Variants in ATG2A observed in about 807,000 individuals in gnomAD.
The protein encoded by ATG2A is autophagy related 2A, also known as autophagy-related protein 2 homolog A.
In ATG2A, 103 loss-of-function variants were observed where a neutral mutation model predicts 214.2. The observed-to-expected ratio is 0.48, with a 90% CI of 0.41 to 0.57. ATG2A has a LOEUF of 0.57. Ranked by LOEUF, ATG2A falls within the 20% of genes least tolerant of loss-of-function variation. ATG2A has a pLI of 0.00. For synonymous variants in ATG2A, 1,160 were observed against 1,142.1 expected (o/e 1.02, Z -0.32); for missense variants, 2,312 against 2,613.2 (o/e 0.88, Z 2.51).
Position 64,895,540 on chromosome 11 carries a change from C to A in ATG2A, c.5428-98G>T. On this transcript the variant is annotated intron_variant, in intron 39 of 40. Coordinates refer to ENST00000377264, the MANE Select transcript of ATG2A (RefSeq NM_015104.3). The surrounding 1 kb of genome is among the most constrained non-coding windows in gnomAD (Gnocchi z 5.0). Reference sequence around the variant, plus strand: ...CTGAGACCCCACCAGCCCTCAGCCTCCCTGCCTGTCACTGTGCTGGCCTAG... The same window carrying A: ...CTGAGACCCCACCAGCCCTCAGCCTACCTGCCTGTCACTGTGCTGGCCTAG... 4 of 1,343,078 alleles carry A rather than the reference C, an allele frequency of 3.0e-6. No individual in the cohort carries two copies. The highest frequency in any genetic ancestry group is 3.0e-6 in the Non-Finnish European group (3 of 1,012,496). 83.2% of individuals were successfully genotyped at this position (1,343,078 alleles called of 1,614,324 possible).
In ATG2A at chr11:64,913,284, G is replaced by A. The variant is rs564361053; in HGVS notation, c.708C>T (p.Tyr236=). ...LLQLAGVRLH[Y]EELPAQEEPP... Reference sequence around the variant, plus strand: ...CGCTCACCTGTGCCGGGAGCTCCTCGTAGTGCAGGCGGACCCCTGCCAGCT... The same window carrying A: ...CGCTCACCTGTGCCGGGAGCTCCTCATAGTGCAGGCGGACCCCTGCCAGCT... Residue 236 remains tyrosine, a synonymous_variant, in exon 5 of 41, where the codon TAC becomes TAT. Coordinates refer to ENST00000377264, the MANE Select transcript of ATG2A (RefSeq NM_015104.3). The surrounding 1 kb of genome is among the most constrained non-coding windows in gnomAD (Gnocchi z 4.3). The A allele has an allele frequency of 9.9e-6, 16 of 1,611,248 alleles. 1 individual carries two copies. Among genetic ancestry groups the A allele is most frequent in the South Asian group, 2.2e-5 (2 of 90,672 alleles).
rs747519398 is a variant in ATG2A at position 64,914,178 on chromosome 11, C to CAGACACAACCTCA, written c.389_390insTGAGGTTGTGTCT (p.Gln130HisfsTer20). ...CATCCCGCAGACACTCCTGGGCCAG[C>CAGACACAACCTCA]TGCAGGCTTGTGGTCATGCATGAGG... On this transcript the variant is annotated frameshift_variant, in exon 3 of 41. Transcript: ENST00000377264. LOFTEE classifies it high-confidence loss of function. The CAGACACAACCTCA allele has an allele frequency of 1.3e-6, 2 of 1,553,258 alleles. No homozygotes were observed. The highest frequency in any genetic ancestry group is 1.7e-6 in the Non-Finnish European group (2 of 1,148,278).
Position 64,913,078 on chromosome 11 carries a change from A to T in ATG2A, c.785T>A (p.Met262Lys). The part of the protein sequence containing the change: ...IGSCSGYMEL[M>K]VKLKQNEAFP... Reference sequence around the variant, plus strand: ...GGCCTCATTTTGCTTCAACTTCACCATCAGCTCCATGTACCCTGAGCAGCT... The same window carrying T: ...GGCCTCATTTTGCTTCAACTTCACCTTCAGCTCCATGTACCCTGAGCAGCT... Residue 262 changes from methionine (M) to lysine (K), a missense_variant, in exon 6 of 41, where the codon ATG (methionine) becomes AAG (lysine). Coordinates refer to ENST00000377264, the MANE Select transcript of ATG2A (RefSeq NM_015104.3). The surrounding 1 kb of genome is among the most constrained non-coding windows in gnomAD (Gnocchi z 4.3). 5.3e-5 allele frequency: 83 copies of T among 1,573,726 alleles called. No homozygotes were observed. The highest frequency in any genetic ancestry group is 7.0e-5 in the Non-Finnish European group (81 of 1,158,616).
chr11:64,905,544 T>C lies in ATG2A; in HGVS notation c.3464+19A>G, dbSNP rs759331301. The C allele has an allele frequency of 6.9e-6, 11 of 1,602,138 alleles. No homozygotes were observed. Among genetic ancestry groups the C allele is most frequent in the Non-Finnish European group, 9.4e-6 (11 of 1,174,802 alleles). ...GCCCGGCGAGGGTGGGATGGCCCAGTGTGGGGCGGCCTGCATACCTGAGCA... is the reference window on the plus strand; with the variant it reads ...GCCCGGCGAGGGTGGGATGGCCCAGCGTGGGGCGGCCTGCATACCTGAGCA... On this transcript the variant is annotated intron_variant, in intron 24 of 40. Coordinates refer to ENST00000377264, the MANE Select transcript of ATG2A (RefSeq NM_015104.3).
In ATG2A at chr11:64,910,665, C is replaced by T. The variant is rs574229883; in HGVS notation, c.1658G>A (p.Arg553Gln). Residue 553 changes from arginine (R) to glutamine (Q), a missense_variant, in exon 12 of 41, where the codon CGG becomes CAG. Coordinates refer to ENST00000377264, the MANE Select transcript of ATG2A (RefSeq NM_015104.3). ...PGTLGSQASARPCAHLRHTQI... is the reference protein window; with the variant it reads ...PGTLGSQASAQPCAHLRHTQI... ...TGTGTGGCGCAGATGGGCGCAGGGC[C>T]GAGCTGAGGCCTGGGAGCCCAGCGT... 229 of 1,609,888 alleles carry T rather than the reference C, an allele frequency of 1.4e-4. 1 individual carries two copies. The highest frequency in any genetic ancestry group is 5.0e-4 in the Middle Eastern group (3 of 6,060).
chr11:64,907,836 C>A lies in ATG2A; in HGVS notation c.2419G>T (p.Ala807Ser). The change falls in exon 17 of 41, where the codon GCA becomes TCA. Residue 807 changes from alanine to serine, a missense_variant. Transcript: ENST00000377264. ...ACTTCCAGGCTGCAGCGGGACAGTGCCAGGGTCCGGCTCTGGAACGTCCTC... is the reference window on the plus strand; with the variant it reads ...ACTTCCAGGCTGCAGCGGGACAGTGACAGGGTCCGGCTCTGGAACGTCCTC... ...EMRTFQSRTL[A>S]LSRCSLEVIL... The A allele has an allele frequency of 6.2e-7, 1 of 1,613,328 alleles. No individual in the cohort carries two copies. The highest frequency in any genetic ancestry group is 8.5e-7 in the Non-Finnish European group (1 of 1,179,920).
At chr11:64,909,468 A>C in intron 14 of ATG2A, 101 bp from the exon 15 acceptor site, 2 of 1,412,864 alleles carry the variant, frequency 1.4e-6, no homozygotes, top group Non-Finnish European at 2.0e-6. Flanking sequence ...GACTCCACAC[A>C]CACCTTGGTG....
Position 64,914,431 on chromosome 11 carries a change from C to T in ATG2A, c.241G>A (p.Glu81Lys), listed in dbSNP as rs1390703613. ...ELVEGFVGSIEVAVPWAALLT... is the reference protein window; with the variant it reads ...ELVEGFVGSIKVAVPWAALLT... ...AGAGCAGCCCAGGGCACGGCCACCT[C>T]GATGGAGCCCACGAAGCCTTCCACC... Residue 81 changes from glutamate (E) to lysine (K), a missense_variant, in exon 2 of 41, where the codon GAG becomes AAG. Transcript: ENST00000377264. 9.3e-6 allele frequency: 15 copies of T among 1,612,648 alleles called. No homozygotes were observed. Among genetic ancestry groups the T allele is most frequent in the Admixed American group, 1.7e-5 (1 of 59,886 alleles).
rs778179736 is a variant in ATG2A, at chr11:64,912,374, C to T, written c.875G>A (p.Arg292Lys). 2.6e-6 allele frequency: 4 copies of T among 1,565,894 alleles called. No homozygotes were observed. Among genetic ancestry groups the T allele is most frequent in the African/African-American group, 1.4e-5 (1 of 73,604 alleles). ...CAGTTCCTGAAGTTGCTGGAGCTGC[C>T]TCGGGGTCAGGAGCAGGTGCAGGGA... ...LGSLHLLLTP[R>K]QLQQLQELLS... The change falls in exon 7 of 41, where the codon AGG becomes AAG. Residue 292 changes from arginine to lysine, a missense_variant. By Grantham distance (26) the Arg-to-Lys change is conservative. Transcript: ENST00000377264.
chr11:64,907,060 C>T (rs1944579431), intron 19 of ATG2A, among the ~76,000 whole-genome samples, 195 bp downstream of exon 19: 1 of 152,238 alleles, frequency 6.6e-6, no homozygotes, highest in Non-Finnish European at 1.5e-5. Flanking sequence ...TAGCATGGTG[C>T]TTTACATACA....
intron 22 of ATG2A, 27 bp downstream of exon 22, chr11:64,906,086 A>G (rs766669177): frequency 7.1e-5 from 110 of 1,554,962 alleles, no homozygotes; most frequent in Admixed American, 3.3e-4. Context: ...TCACTGGGCC[A>G]TGTGGCTTCC....
chr11:64,911,003 T>C (rs774380877), intron 10 of ATG2A, 35 bp downstream of exon 10: 3 of 1,613,516 alleles, frequency 1.9e-6, no homozygotes, highest in Admixed American at 1.7e-5. Flanking sequence ...GGGGCTCTGA[T>C]GGTCTCTCCT....
In ATG2A at chr11:64,902,570, G is replaced by A. The variant is rs780586041; in HGVS notation, c.3723C>T (p.Gly1241=). 17 of 1,588,614 alleles carry A rather than the reference G, an allele frequency of 1.1e-5. No homozygotes were observed. In the East Asian group the frequency reaches 2.3e-4, roughly 21 times the overall value. Residue 1241 remains glycine, a synonymous_variant, in exon 27 of 41, where the codon GGC becomes GGT. Transcript: ENST00000377264. ...VNLLQYVMST[G]DLHPPPRPPS... Reference sequence around the variant, plus strand: ...GGGGCCGGGGTGGGGGGTGCAGATCGCCTGTGCTCATTACGTACTGGAGCA... The same window carrying A: ...GGGGCCGGGGTGGGGGGTGCAGATCACCTGTGCTCATTACGTACTGGAGCA...
chr11:64,907,994 A>G, intron 16 of ATG2A, 104 bp from the exon 17 acceptor site: 1 of 1,346,500 alleles, frequency 7.4e-7, no homozygotes, highest in East Asian at 2.5e-5. Flanking sequence ...TCATTCATTC[A>G]TTCATAGGAG....
rs764443750 is a variant in ATG2A at position 64,896,575 on chromosome 11, ACTG to A, written c.5311_5313del (p.Gln1771del). Reference sequence around the variant, plus strand: ...CGCATGAGGCGGCCATCCTTCCTGTACTGCTCAATGGGCAGCCACAGCAGGTCC... The same window carrying A: ...CGCATGAGGCGGCCATCCTTCCTGTACTCAATGGGCAGCCACAGCAGGTCC... On this transcript the variant is annotated inframe_deletion, in exon 39 of 41. Coordinates refer to ENST00000377264, the MANE Select transcript of ATG2A (RefSeq NM_015104.3). 6.2e-7 allele frequency: 1 copy of A among 1,613,988 alleles called. No individual in the cohort carries two copies.
chr11:64,914,122 G>T lies in ATG2A; in HGVS notation c.446C>A (p.Pro149His), dbSNP rs1464425410. 3 of 1,552,932 alleles carry T rather than the reference G, an allele frequency of 1.9e-6. No individual in the cohort carries two copies. The highest frequency in any genetic ancestry group is 2.6e-6 in the Non-Finnish European group (3 of 1,148,124). Residue 149 changes from proline to histidine, a missense_variant, in exon 3 of 41, where the codon CCC becomes CAC. Coordinates refer to ENST00000377264, the MANE Select transcript of ATG2A (RefSeq NM_015104.3). ...GGCAAACATCTCCAGCCCCTCCAGG[G>T]GCTGTGGTGGCTCAGAGGGCTCCGG... is the stretch of plus-strand genomic sequence containing the variant. ...GLPEPSEPPQ[P>H]LEGLEMFAQT...
At position 64,895,114 on chromosome 11, in the gene ATG2A, C is replaced by T; in HGVS notation, c.5676G>A (p.Gln1892=). The T allele has an allele frequency of 6.2e-7, 1 of 1,613,074 alleles. No homozygotes were observed. The part of the protein sequence containing the change: ...LTGAVGGVIR[Q]LPPTVVKPLI... ...GCGGCTTCACCACAGTCGGGGGCAGCTGGCGGATCACGCCCCCCACGGCGC... is the reference window on the plus strand; with the variant it reads ...GCGGCTTCACCACAGTCGGGGGCAGTTGGCGGATCACGCCCCCCACGGCGC... Residue 1892 remains glutamine, a synonymous_variant, in exon 41 of 41, where the codon CAG becomes CAA. Transcript: ENST00000377264. The surrounding 1 kb of genome is among the most constrained non-coding windows in gnomAD (Gnocchi z 5.0).
In ATG2A at chr11:64,902,105, G is replaced by C. The variant is rs773831526; in HGVS notation, c.3976C>G (p.Pro1326Ala). The change falls in exon 29 of 41, where the codon CCT (proline) becomes GCT (alanine). Residue 1326 changes from proline to alanine, a missense_variant. Pro to Ala is a conservative substitution (Grantham distance 27). Transcript: ENST00000377264. The part of the protein sequence containing the change: ...FPGERSGAPP[P>A]SPPVGGPAGS... ...GCAGGGCCCCCGACAGGTGGTGAAG[G>C]GGGTGGGGCCCCACTCCGTTCACCT... The C allele has an allele frequency of 1.2e-6, 2 of 1,613,968 alleles. No individual in the cohort carries two copies. Among genetic ancestry groups the C allele is most frequent in the East Asian group, 2.2e-5 (1 of 44,888 alleles).
At chr11:64,902,775 C>T (rs1944404082) in intron 26 of ATG2A, 95 bp from the exon 27 acceptor site, 1 of 1,175,496 alleles carries the variant, frequency 8.5e-7, no homozygotes, top group African/African-American at 1.5e-5. Context: ...CAGTTCTGAT[C>T]CTGCCACAGG....
Sources: gnomAD v4.1 joint callset for allele counts (sites outside exome capture counted in the v4.1 genomes callset) on GRCh38, gnomAD v4.1.1 for gene constraint, Gnocchi (gnomAD v3.1) non-coding constraint, MANE v1.5 for transcripts, NCBI Gene and HGNC (gene_info 2026-07-23, HGNC 2026-07-21) for gene names.